CRB1: variants seen among roughly 807,000 people sequenced by gnomAD.
CRB1 encodes crumbs cell polarity complex component 1.
Under a neutral mutation model 120.0 loss-of-function variants are expected in CRB1, and 83 were observed. The observed-to-expected ratio is 0.69, with a 90% CI of 0.58 to 0.83. CRB1 has a LOEUF of 0.83. Ranked by LOEUF, CRB1 falls within the 40% of genes least tolerant of loss-of-function variation. The pLI is 0.00. For synonymous variants in CRB1, 625 were observed against 612.5 expected, an observed-to-expected ratio of 1.02 and a Z score of -0.30; for missense variants, 1,699 against 1,687.6, an observed-to-expected ratio of 1.01 and a Z score of -0.12.
At chr1:197,357,741 A>C (rs1359002746) in intron 5 of CRB1, 1 of 152,400 alleles carries the variant, frequency 6.6e-6, no homozygotes, top group Non-Finnish European at 1.5e-5. Flanking sequence ...GTTGTTGAGG[A>C]TTTCTGAGAA....
chr1:197,367,970 A>C (rs1009142076), intron 5 of CRB1, among the ~76,000 whole-genome samples: 2 of 152,236 alleles, frequency 1.3e-5, no homozygotes, highest in Admixed American at 6.5e-5. Context: ...ATCCGCTTCA[A>C]GCACAATGTT....
chr1:197,290,647 CCT>C (rs1388467122), intron 1 of CRB1, among the ~76,000 whole-genome samples: 1 of 151,566 alleles, frequency 6.6e-6, no homozygotes, highest in African/African-American at 2.4e-5. Context: ...TCTTTCATCC[CCT>C]GTGTTACCTG....
intron 1 of CRB1, among the ~76,000 whole-genome samples, chr1:197,327,633 A>T (rs1044409903): frequency 3.3e-5 from 5 of 152,234 alleles, no homozygotes; most frequent in Admixed American, 1.3e-4. Context: ...AGACAAAAAA[A>T]CTTTATTTTA....
the CRB1 span, among the ~76,000 whole-genome samples, chr1:197,218,664 GGTT>G: frequency 8.5e-5 from 13 of 152,246 alleles, no homozygotes; most frequent in African/African-American, 2.9e-4. Flanking sequence ...GATGATACAA[GGTT>G]TGTGGATGGC....
intron 10 of CRB1, chr1:197,439,406 A>G (rs1665323210): frequency 6.6e-6 from 1 of 152,268 alleles, no homozygotes; most frequent in Admixed American, 6.6e-5. Context: ...ACCATCTCTA[A>G]TTCTTATAGC....
At chr1:197,459,885 G>A (rs533296964) in intron 11 of CRB1, among the ~76,000 whole-genome samples, 2 of 151,630 alleles carry the variant, frequency 1.3e-5, no homozygotes, top group East Asian at 1.9e-4. Flanking sequence ...TGGGAGTTTG[G>A]TTTTTGAAAC....
the CRB1 span, among the ~76,000 whole-genome samples, chr1:197,213,694 A>T: frequency 6.6e-6 from 1 of 152,196 alleles, no homozygotes; most frequent in Non-Finnish European, 1.5e-5. Context: ...TTTCCAACTG[A>T]AATGGTATGA....
intron 5 of CRB1, among the ~76,000 whole-genome samples, chr1:197,410,319 C>T (rs543225672): frequency 5.9e-5 from 9 of 152,316 alleles, no homozygotes; most frequent in African/African-American, 2.2e-4. Context: ...CAGTTTTAAA[C>T]ATAGACACTT....
At chr1:197,376,707 T>C (rs1179632561) in intron 5 of CRB1, among the ~76,000 whole-genome samples, 1 of 152,198 alleles carries the variant, frequency 6.6e-6, no homozygotes, top group Admixed American at 6.5e-5. Flanking sequence ...TTGGTGTTCT[T>C]CCATTCTTGA....
chr1:197,453,395 A>G (rs572206343), intron 11 of CRB1, among the ~76,000 whole-genome samples: 17 of 147,644 alleles, frequency 1.2e-4, no homozygotes, highest in African/African-American at 4.2e-4. Context: ...AAATTATATA[A>G]CATACTTATA....
At chr1:197,213,889 CTA>C in the CRB1 span, among the ~76,000 whole-genome samples, 1 of 152,078 alleles carries the variant, frequency 6.6e-6, no homozygotes, top group African/African-American at 2.4e-5. Context: ...AAAAGCAGTT[CTA>C]AGAGTGAAAC....
At chr1:197,343,819 G>T (rs541937752) in intron 2 of CRB1, among the ~76,000 whole-genome samples, 141 of 152,304 alleles carry the variant, frequency 9.3e-4, no homozygotes, top group Admixed American at 4.0e-3. Context: ...AACATGGAAA[G>T]GCTGAGAAGC....
At chr1:197,351,837 G>A (rs575756730) in intron 4 of CRB1, among the ~76,000 whole-genome samples, 2 of 152,192 alleles carry the variant, frequency 1.3e-5, no homozygotes, top group African/African-American at 2.4e-5. Flanking sequence ...GTTACTGCAT[G>A]GATGGTAATT....
chr1:197,372,126 A>T (rs1482821985), intron 5 of CRB1, among the ~76,000 whole-genome samples: 1 of 152,156 alleles, frequency 6.6e-6, no homozygotes, highest in Non-Finnish European at 1.5e-5. Context: ...GCAGCATTTA[A>T]TTAAGGAGAC....
chr1:197,263,538 T>C (rs1297996816), upstream of CRB1, among the ~76,000 whole-genome samples: 1 of 152,174 alleles, frequency 6.6e-6, no homozygotes, highest in African/African-American at 2.4e-5. Context: ...TAGGTCCCAA[T>C]TGTCAATTTT....
At chr1:197,366,976 T>G (rs77150606) in intron 5 of CRB1, among the ~76,000 whole-genome samples, 2,110 of 152,336 alleles carry the variant, frequency 0.014, 59 homozygotes, top group African/African-American at 0.049. Context: ...TGACCATAGT[T>G]GCAACACTCA....
the CRB1 span, among the ~76,000 whole-genome samples, chr1:197,219,904 T>C: frequency 6.6e-6 from 1 of 152,268 alleles, no homozygotes; most frequent in Non-Finnish European, 1.5e-5. Context: ...CTGTCTTACA[T>C]ATTTTCATCC....
At chr1:197,300,477 G>A (rs1226432955) in intron 1 of CRB1, among the ~76,000 whole-genome samples, 1 of 151,898 alleles carries the variant, frequency 6.6e-6, no homozygotes, top group Admixed American at 6.6e-5. Context: ...AGCCTAACCC[G>A]GAGCAAAGCC....
At chr1:197,437,155 G>A (rs544932244) in intron 9 of CRB1, among the ~76,000 whole-genome samples, 2 of 152,208 alleles carry the variant, frequency 1.3e-5, no homozygotes, top group South Asian at 4.2e-4. Context: ...CAGAACTTCG[G>A]CAAGAACACC....
Sources: allele counts gnomAD v4.1 joint callset (sites outside exome capture counted in the v4.1 genomes callset), GRCh38; gene constraint gnomAD v4.1.1; transcripts MANE v1.5; gene names NCBI Gene and HGNC (gene_info 2026-07-23, HGNC 2026-07-21).